SAMSN1: variants seen among roughly 807,000 people sequenced by gnomAD.
SAMSN1 encodes the protein SAM domain, SH3 domain and nuclear localization signals 1.
In SAMSN1, 31 loss-of-function variants were observed where a neutral mutation model predicts 42.0. The observed-to-expected ratio is 0.74, with a 90% CI of 0.55 to 1.00. The LOEUF is 1.00. Among genes scored for constraint, SAMSN1 ranks in the 50% least tolerant of loss-of-function variants. The pLI is 0.00. For synonymous variants in SAMSN1, 178 were observed against 151.9 expected, an observed-to-expected ratio of 1.17 and a Z score of -1.26; for missense variants, 464 against 439.4, an observed-to-expected ratio of 1.06 and a Z score of -0.50.
chr21:14,570,854 A>G (rs568090368), intron 2 of SAMSN1, among the ~76,000 whole-genome samples: 24 of 152,330 alleles, frequency 1.6e-4, no homozygotes, highest in East Asian at 7.7e-4. Context: ...TTGGCTTAAA[A>G]CAGTTCTTGC....
intron 1 of SAMSN1, among the ~76,000 whole-genome samples, chr21:14,649,346 C>T (rs1003525111): frequency 8.6e-4 from 130 of 151,434 alleles, no homozygotes; most frequent in African/African-American, 2.5e-3. Context: ...GTGGGTGCAG[C>T]GCACCAGCAT....
At chr21:14,515,632 G>T (rs1413550403) in intron 3 of SAMSN1, among the ~76,000 whole-genome samples, 2 of 152,002 alleles carry the variant, frequency 1.3e-5, no homozygotes. Context: ...ACCAAAAAAA[G>T]ATAATTGGAC....
At chr21:14,639,285 T>C (rs1323678681) in intron 2 of SAMSN1, among the ~76,000 whole-genome samples, 1 of 152,166 alleles carries the variant, frequency 6.6e-6, no homozygotes, top group Admixed American at 6.5e-5. Context: ...AAACAGGAAT[T>C]TACTGGCTCA....
chr21:14,619,970 G>C (rs1483168740), intron 2 of SAMSN1, among the ~76,000 whole-genome samples: 1 of 149,034 alleles, frequency 6.7e-6, no homozygotes, highest in Non-Finnish European at 1.5e-5. Flanking sequence ...AGGAGGAGAA[G>C]GGGAGAGTAA....
intron 2 of SAMSN1, among the ~76,000 whole-genome samples, chr21:14,618,141 T>C (rs911036741): frequency 5.9e-5 from 9 of 152,364 alleles, no homozygotes; most frequent in African/African-American, 2.2e-4. Context: ...TTTACTGGAA[T>C]TGGGGTCATC....
chr21:14,581,390 G>C (rs1293449810), intron 2 of SAMSN1, among the ~76,000 whole-genome samples: 1 of 88,654 alleles, frequency 1.1e-5, no homozygotes, highest in Non-Finnish European at 2.1e-5. Context: ...GACGAGTCTT[G>C]CTCAGTCGCC....
chr21:14,632,819 A>G (rs959818068), intron 2 of SAMSN1, among the ~76,000 whole-genome samples: 6 of 152,160 alleles, frequency 3.9e-5, no homozygotes, highest in African/African-American at 1.4e-4. Context: ...TGTTGGCAGC[A>G]TTCAATTTCC....
In SAMSN1 at chr21:14,500,492, A is replaced by C. The variant is rs760376949; in HGVS notation, c.768+37T>G. On this transcript the variant is annotated intron_variant, in intron 6 of 7. Coordinates refer to ENST00000400566, the MANE Select transcript of SAMSN1 (RefSeq NM_022136.5). The stretch of plus-strand genomic sequence containing the variant: ...CACTCCCTTCGGTGTTTCCATTTAC[A>C]TGCTTCCAAAAGCAAACAGAACACA... The C allele has an allele frequency of 2.6e-6, 4 of 1,563,148 alleles. No homozygotes were observed. The East Asian group carries it at 6.7e-5, about 26-fold the overall frequency.
At position 14,507,575 on chromosome 21, in the gene SAMSN1, C is replaced by T. The variant is rs535997930; in HGVS notation, c.561+2735G>A. Among the ~76,000 whole-genome samples, 6 of 152,336 alleles carry T rather than the reference C, an allele frequency of 3.9e-5. 1 individual carries two copies. The highest frequency in any genetic ancestry group is 2.4e-5 in the African/African-American group (1 of 41,582). On this transcript the variant is annotated intron_variant, in intron 5 of 7. Coordinates refer to ENST00000400566, the MANE Select transcript of SAMSN1 (RefSeq NM_022136.5). ...TGGCACAAACAAATGGAAACATGTT[C>T]TATGCCCATGGATAGGTAGAATCAA...
chr21:14,617,671 C>G (rs188855391), intron 2 of SAMSN1, among the ~76,000 whole-genome samples: 1 of 152,140 alleles, frequency 6.6e-6, no homozygotes. Context: ...AATAGTCTAC[C>G]TTTTGTGAAA....
At chr21:14,561,283 C>T (rs1291650391) in intron 2 of SAMSN1, among the ~76,000 whole-genome samples, 10 of 152,088 alleles carry the variant, frequency 6.6e-5, no homozygotes, top group Non-Finnish European at 5.9e-5. Context: ...TCCCTAACTC[C>T]CTGCCCACAA....
At chr21:14,508,895 T>G (rs1398091260) in intron 5 of SAMSN1, among the ~76,000 whole-genome samples, 1 of 152,034 alleles carries the variant, frequency 6.6e-6, no homozygotes, top group Non-Finnish European at 1.5e-5. Context: ...TTTGGGAGGC[T>G]GAGGTGGGTG....
intron 3 of SAMSN1, among the ~76,000 whole-genome samples, chr21:14,515,458 G>A (rs1987872722): frequency 6.6e-6 from 1 of 152,082 alleles, no homozygotes; most frequent in Non-Finnish European, 1.5e-5. Context: ...GCAAAAGAAT[G>A]AAGGTGGACT....
chr21:14,575,946 C>A (rs1981445448), intron 2 of SAMSN1, among the ~76,000 whole-genome samples: 1 of 152,156 alleles, frequency 6.6e-6, no homozygotes, highest in African/African-American at 2.4e-5. Context: ...CACTTTTAAA[C>A]TTCACTACTG....
intron 2 of SAMSN1, among the ~76,000 whole-genome samples, chr21:14,631,470 C>A (rs559623631): frequency 1.3e-5 from 2 of 152,108 alleles, no homozygotes; most frequent in African/African-American, 2.4e-5. Context: ...TGGGTTCAAG[C>A]GATTCTCCTG....
At chr21:14,633,484 C>T (rs1983383929) in intron 2 of SAMSN1, among the ~76,000 whole-genome samples, 1 of 152,158 alleles carries the variant, frequency 6.6e-6, no homozygotes, top group Non-Finnish European at 1.5e-5. Context: ...TGGGTAATGA[C>T]TTAATCAAGT....
intron 1 of SAMSN1, among the ~76,000 whole-genome samples, chr21:14,527,179 C>T (rs1024580486): frequency 2.0e-5 from 3 of 152,202 alleles, no homozygotes; most frequent in Non-Finnish European, 4.4e-5. Context: ...GATCAGAATT[C>T]TGTTTCAGCA....
intron 1 of SAMSN1, among the ~76,000 whole-genome samples, chr21:14,524,725 T>C (rs1276595531): frequency 1.3e-5 from 2 of 152,200 alleles, no homozygotes; most frequent in African/African-American, 4.8e-5. Context: ...AGGATACTGA[T>C]TGAATAATAT....
intron 7 of SAMSN1, 87 bp from the exon 8 acceptor site, chr21:14,486,201 T>A (rs1039329769): frequency 1.0e-5 from 9 of 895,592 alleles, no homozygotes; most frequent in African/African-American, 1.7e-5. Flanking sequence ...ATTATCCTAT[T>A]TTAACTGTTC....
Sources: allele counts gnomAD v4.1 joint callset (sites outside exome capture counted in the v4.1 genomes callset), GRCh38; gene constraint gnomAD v4.1.1; transcripts MANE v1.5; gene names NCBI Gene and HGNC (gene_info 2026-07-23, HGNC 2026-07-21).